The following ARL15 variants were observed in gnomAD, a reference collection of about 807,000 sequenced individuals.
ARL15 encodes ARF like GTPase 15, also known as ADP-ribosylation factor-like protein 15.
A neutral mutation model predicts 25.2 loss-of-function variants in ARL15; 19 were observed. That is an observed-to-expected ratio of 0.75 (90% CI 0.53 to 1.10). The LOEUF is 1.10. ARL15 is among the 50% of genes least tolerant of loss of function. ARL15 has a pLI of 0.00. For missense variants in ARL15, 220 were observed against 246.0 expected (o/e 0.89, Z 0.71); for synonymous variants, 94 against 86.8 (o/e 1.08, Z -0.46).
intron 1 of ARL15, among the ~76,000 whole-genome samples, chr5:54,254,184 T>C (rs888016330): frequency 1.3e-5 from 2 of 152,216 alleles, no homozygotes; most frequent in African/African-American, 4.8e-5. Flanking sequence ...AACAGAGTCA[T>C]TCTACTACCC....
intron 1 of ARL15, among the ~76,000 whole-genome samples, chr5:54,266,441 G>C (rs1405185382): frequency 6.6e-6 from 1 of 152,192 alleles, no homozygotes; most frequent in Middle Eastern, 3.2e-3. Context: ...CCTGGGTTTG[G>C]TTCCAAGTCT....
At chr5:54,092,047 A>AACACAC (rs758037549) in intron 4 of ARL15, among the ~76,000 whole-genome samples, 3 of 146,320 alleles carry the variant, frequency 2.1e-5, no homozygotes, top group South Asian at 2.2e-4. Flanking sequence ...TCAAATTGAA[A>AACACAC]ACACACACAC....
chr5:54,068,713 T>G (rs1449322026), intron 4 of ARL15, among the ~76,000 whole-genome samples: 2 of 152,214 alleles, frequency 1.3e-5, no homozygotes, highest in African/African-American at 2.4e-5. Context: ...TACAAAAAAT[T>G]GAAATGCTTA....
intron 1 of ARL15, among the ~76,000 whole-genome samples, chr5:54,200,259 C>T (rs925614108): frequency 2.5e-4 from 37 of 145,752 alleles, no homozygotes; most frequent in African/African-American, 7.9e-4. Context: ...GTAACCTGCA[C>T]GTTGTGCACA....
intron 1 of ARL15, among the ~76,000 whole-genome samples, chr5:54,283,830 C>T (rs1428974048): frequency 6.6e-6 from 1 of 152,182 alleles, no homozygotes; most frequent in Non-Finnish European, 1.5e-5. Flanking sequence ...TGTCCTGTGA[C>T]TAAGTTCTCC....
chr5:54,037,697 T>C (rs1334782249), intron 4 of ARL15, among the ~76,000 whole-genome samples: 1 of 152,106 alleles, frequency 6.6e-6, no homozygotes. Context: ...AATAATGAAA[T>C]GCTTAAGTAC....
chr5:54,308,475 C>A (rs370961994), intron 1 of ARL15, among the ~76,000 whole-genome samples: 1 of 152,078 alleles, frequency 6.6e-6, no homozygotes, highest in Non-Finnish European at 1.5e-5. Context: ...AAATTTGAGG[C>A]CTGCTGATTT....
chr5:54,084,496 C>A (rs1253470033), intron 4 of ARL15, among the ~76,000 whole-genome samples: 1 of 151,558 alleles, frequency 6.6e-6, no homozygotes, highest in African/African-American at 2.4e-5. Context: ...AAAAGCACAA[C>A]AGAAAGAACA....
At chr5:53,927,660 T>C (rs1196537736) in intron 4 of ARL15, among the ~76,000 whole-genome samples, 1 of 152,066 alleles carries the variant, frequency 6.6e-6, no homozygotes, top group Admixed American at 6.6e-5. Flanking sequence ...TTCTGAAAAA[T>C]GGTATGGACA....
intron 1 of ARL15, among the ~76,000 whole-genome samples, chr5:54,188,866 TA>T (rs939902084): frequency 2.4e-4 from 36 of 152,308 alleles, no homozygotes; most frequent in African/African-American, 8.7e-4. Context: ...TTAATCCTAT[TA>T]ATTTTAAATT....
intron 1 of ARL15, among the ~76,000 whole-genome samples, chr5:54,304,642 A>T (rs1758707545): frequency 6.6e-6 from 1 of 152,224 alleles, no homozygotes; most frequent in South Asian, 2.1e-4. Flanking sequence ...TTGCTATATG[A>T]ACTCCATATA....
intron 4 of ARL15, among the ~76,000 whole-genome samples, chr5:53,976,691 T>C (rs1315501948): frequency 1.3e-5 from 2 of 152,136 alleles, no homozygotes; most frequent in Non-Finnish European, 2.9e-5. Flanking sequence ...ATGAGCTCAA[T>C]TTTTGGCATG....
intron 4 of ARL15, among the ~76,000 whole-genome samples, chr5:53,892,052 C>T (rs1167287102): frequency 2.0e-5 from 3 of 152,178 alleles, no homozygotes; most frequent in Non-Finnish European, 4.4e-5. Flanking sequence ...TAATACTGCA[C>T]AGTTTACTAA....
chr5:54,039,433 G>T (rs947269787), intron 4 of ARL15, among the ~76,000 whole-genome samples: 1 of 152,068 alleles, frequency 6.6e-6, no homozygotes, highest in Non-Finnish European at 1.5e-5. Flanking sequence ...AGATAATGAG[G>T]TTTCTACAGA....
At chr5:54,107,651 C>A (rs34368333) in intron 4 of ARL15, among the ~76,000 whole-genome samples, 1,941 of 151,278 alleles carry the variant, frequency 0.013, 26 homozygotes, top group Middle Eastern at 0.041. Flanking sequence ...AAAAAGAGTA[C>A]GAATTGAAAA....
At chr5:54,285,107 G>A (rs188515753) in intron 1 of ARL15, among the ~76,000 whole-genome samples, 4 of 152,136 alleles carry the variant, frequency 2.6e-5, no homozygotes, top group Admixed American at 6.5e-5. Flanking sequence ...ACTCTGACCC[G>A]GTAGCCTCTA....
chr5:54,163,436 C>G (rs977091287), intron 2 of ARL15, among the ~76,000 whole-genome samples: 6 of 105,738 alleles, frequency 5.7e-5, no homozygotes, highest in Non-Finnish European at 8.7e-5. Flanking sequence ...TCATGCTGGT[C>G]TTAGGAGTTG....
intron 1 of ARL15, among the ~76,000 whole-genome samples, chr5:54,224,739 T>A (rs1032042867): frequency 3.3e-5 from 5 of 152,156 alleles, no homozygotes; most frequent in African/African-American, 1.2e-4. Context: ...TAACAAACTT[T>A]TATTGTTTGA....
chr5:54,046,462 G>A lies in ARL15; in HGVS notation c.462+66740C>T, dbSNP rs1023265681. ...TGCCACTGCACTCCAGCCTGGGCAC[G>A]AGAGCGAGACTCTGTCTCAAAATAC... On this transcript the variant is annotated intron_variant, in intron 4 of 4. Transcript: ENST00000504924. 3.4e-4 allele frequency among the ~76,000 whole-genome samples: 51 copies of A among 152,228 alleles called. 1 individual carries two copies. The highest frequency in any genetic ancestry group is 2.4e-3 in the Admixed American group (37 of 15,284).
Sources: allele counts gnomAD v4.1 joint callset (sites outside exome capture counted in the v4.1 genomes callset), GRCh38; gene constraint gnomAD v4.1.1; transcripts MANE v1.5; gene names NCBI Gene and HGNC (gene_info 2026-07-23, HGNC 2026-07-21).